The following CD99L2 variants were observed in gnomAD, a reference collection of about 807,000 sequenced individuals.
CD99L2 encodes CD99 antigen-like protein 2.
In CD99L2, 24 loss-of-function variants were observed where a neutral mutation model predicts 27.3. That is an observed-to-expected ratio of 0.88 (90% CI 0.64 to 1.24). The LOEUF is 1.24. CD99L2 is among the 50% of genes most tolerant of loss of function. CD99L2 has a pLI of 0.00. For missense variants in CD99L2, 255 were observed against 221.6 expected, an observed-to-expected ratio of 1.15 and a Z score of -0.96; for synonymous variants, 97 against 87.9, an observed-to-expected ratio of 1.10 and a Z score of -0.58.
At chrX:150,871,570 TCTAA>T (rs782499324) in intron 1 of CD99L2, among the ~76,000 whole-genome samples, 12 of 112,052 alleles carry the variant, frequency 1.1e-4, no homozygotes, top group South Asian at 7.4e-4. Flanking sequence ...TTTGGAAAAC[TCTAA>T]CTGTTTCTTA....
chrX:150,894,467 T>G (rs1281371515), intron 1 of CD99L2, among the ~76,000 whole-genome samples: 1 of 112,053 alleles, frequency 8.9e-6, no homozygotes, highest in East Asian at 2.8e-4. Context: ...GCAGGTACGC[T>G]TTAAAGCCTA....
intron 4 of CD99L2, among the ~76,000 whole-genome samples, chrX:150,813,087 A>G (rs1370756162): frequency 2.7e-5 from 3 of 111,381 alleles, no homozygotes; most frequent in Non-Finnish European, 5.7e-5. Context: ...GGAAGGGGAA[A>G]TAGAACTGTA....
chrX:150,788,755 C>T (rs2045638253), intron 7 of CD99L2, among the ~76,000 whole-genome samples: 1 of 111,584 alleles, frequency 9.0e-6, no homozygotes. Flanking sequence ...ACTGTTCAAC[C>T]GGAGCAAAAA....
intron 2 of CD99L2, among the ~76,000 whole-genome samples, chrX:150,820,349 T>C (rs2046227088): frequency 9.0e-6 from 1 of 111,421 alleles, no homozygotes; most frequent in African/African-American, 3.3e-5. Context: ...AAACACTCAA[T>C]GAATTAGGAA....
intron 1 of CD99L2, among the ~76,000 whole-genome samples, chrX:150,875,699 G>A (rs1557422302): frequency 8.9e-6 from 1 of 112,059 alleles, no homozygotes; most frequent in Admixed American, 9.4e-5. Context: ...GGACCTGGTG[G>A]GAGGTAACTG....
intron 7 of CD99L2, among the ~76,000 whole-genome samples, chrX:150,779,958 C>A (rs1361493441): frequency 8.9e-6 from 1 of 112,054 alleles, no homozygotes; most frequent in African/African-American, 3.2e-5. Context: ...AGGACATCAT[C>A]AAGAAAGTAG....
chrX:150,869,986 A>C (rs1405822289), intron 1 of CD99L2, among the ~76,000 whole-genome samples: 5 of 111,059 alleles, frequency 4.5e-5, no homozygotes, highest in Non-Finnish European at 9.4e-5. Context: ...AATCAGAATC[A>C]CTCTTGATTA....
chrX:150,817,227 AAATAAAT>A (rs2046175662), intron 2 of CD99L2, among the ~76,000 whole-genome samples: 2 of 108,523 alleles, frequency 1.8e-5, no homozygotes, highest in African/African-American at 6.6e-5. Context: ...ATAAATAAAT[AAATAAAT>A]AAATAAAAAT....
chrX:150,800,069 A>C (rs2045879577), intron 4 of CD99L2, among the ~76,000 whole-genome samples: 1 of 112,702 alleles, frequency 8.9e-6, no homozygotes, highest in African/African-American at 3.2e-5. Context: ...ACTCTGGTAC[A>C]TGCTGCAACA....
chrX:150,790,302 T>C (rs1557419683), intron 7 of CD99L2, among the ~76,000 whole-genome samples: 1 of 109,644 alleles, frequency 9.1e-6, no homozygotes, highest in Non-Finnish European at 1.9e-5. Context: ...TGTGACTCTA[T>C]GCATTTGCCA....
rs1557418987 is a variant in CD99L2 at position 150,770,325 on chromosome X, C to T, written c.700G>A (p.Val234Met). ...DYVKGENLEA[V>M]VCEEPQVKYS... is the part of the protein sequence containing the mutation. ...TCACCTTGGGGTTCCTCACATACCA[C>T]GGCTTCCAGGTTCTCTCCCTTCACG... is the stretch of plus-strand genomic sequence containing the variant. Residue 234 changes from valine to methionine, a missense_variant, in exon 10 of 11, where the codon GTG becomes ATG. Val to Met is a conservative substitution (Grantham distance 21). Coordinates refer to ENST00000370377, the MANE Select transcript of CD99L2 (RefSeq NM_031462.4). 27 of 1,211,907 alleles carry T rather than the reference C, an allele frequency of 2.2e-5. No homozygotes were observed. Among genetic ancestry groups the T allele is most frequent in the Non-Finnish European group, 2.8e-5 (25 of 895,389 alleles).
chrX:150,822,805 T>A (rs2046261006), intron 2 of CD99L2, among the ~76,000 whole-genome samples: 1 of 112,479 alleles, frequency 8.9e-6, no homozygotes, highest in Non-Finnish European at 1.9e-5. Context: ...CATTGTATGA[T>A]TTTACCTCAA....
At chrX:150,854,084 T>C (rs1366749383) in intron 1 of CD99L2, among the ~76,000 whole-genome samples, 1 of 110,938 alleles carries the variant, frequency 9.0e-6, no homozygotes, top group Admixed American at 9.6e-5. Context: ...ATCATCAGCT[T>C]GGCTCTTGCA....
chrX:150,840,057 T>A (rs2046598278), intron 1 of CD99L2, among the ~76,000 whole-genome samples: 1 of 108,657 alleles, frequency 9.2e-6, no homozygotes, highest in Non-Finnish European at 1.9e-5. Flanking sequence ...AAAAATTAGC[T>A]GGGCATGGAG....
At position 150,787,662 on chromosome X, in the gene CD99L2, G is replaced by A. The variant is rs1235860329; in HGVS notation, c.496+6029C>T. On this transcript the variant is annotated intron_variant, in intron 7 of 10. Transcript: ENST00000370377. ...TCACAAAGGCAGAAAACCAAACACC[G>A]CATGTTCTCACTCATAGGTGGGAAC... Among the ~76,000 whole-genome samples the A allele has an allele frequency of 6.9e-5, 7 of 102,098 alleles. 1 individual carries two copies. The highest frequency in any genetic ancestry group is 1.1e-4 in the African/African-American group (3 of 28,008). 88.7% of individuals were successfully genotyped at this position (102,098 alleles called of 115,157 possible).
intron 7 of CD99L2, among the ~76,000 whole-genome samples, chrX:150,778,855 A>C (rs1263727973): frequency 9.1e-6 from 1 of 109,405 alleles, no homozygotes; most frequent in South Asian, 4.0e-4. Context: ...AAAACAAAAA[A>C]AAAACAAAAA....
rs190297942 is a variant in CD99L2, at chrX:150,897,893, G to A, written c.67+629C>T. 2.8e-3 allele frequency among the ~76,000 whole-genome samples: 310 copies of A among 110,739 alleles called. 1 individual carries two copies. The highest frequency in any genetic ancestry group is 4.9e-3 in the Non-Finnish European group (259 of 52,903). On this transcript the variant is annotated intron_variant, in intron 1 of 10. Coordinates refer to ENST00000370377, the MANE Select transcript of CD99L2 (RefSeq NM_031462.4). ...TCCCAGGTGATGCCTATGCGGCTGGGCCCTGGACCACATTTTGAGTAGCAG... is the reference window on the plus strand; with the variant it reads ...TCCCAGGTGATGCCTATGCGGCTGGACCCTGGACCACATTTTGAGTAGCAG...
chrX:150,876,999 T>C (rs2124357051), intron 1 of CD99L2, among the ~76,000 whole-genome samples: 1 of 111,048 alleles, frequency 9.0e-6, no homozygotes, highest in South Asian at 3.7e-4. Flanking sequence ...AAATCATATC[T>C]AGGTCAGGCA....
chrX:150,827,319 G>A (rs1557420954), intron 2 of CD99L2, among the ~76,000 whole-genome samples: 1 of 111,009 alleles, frequency 9.0e-6, no homozygotes, highest in Admixed American at 9.6e-5. Context: ...TAGAAAAAAG[G>A]GTGGCAGCAT....
Sources: allele counts gnomAD v4.1 joint callset (sites outside exome capture counted in the v4.1 genomes callset), GRCh38; gene constraint gnomAD v4.1.1; transcripts MANE v1.5; gene names NCBI Gene and HGNC (gene_info 2026-07-23, HGNC 2026-07-21).